Variants in STK39 observed in about 807,000 individuals in gnomAD.
The protein encoded by STK39 is STE20/SPS1-related proline-alanine-rich protein kinase.
A neutral mutation model predicts 77.8 loss-of-function variants in STK39; 20 were observed. The observed-to-expected ratio is 0.26, with a 90% CI of 0.18 to 0.37. STK39 has a LOEUF of 0.37. STK39 is among the 10% of genes least tolerant of loss of function. The probability of loss-of-function intolerance (pLI) is 1.00; values close to 1 mark genes in which losing one functional copy is unlikely to be tolerated. For missense variants in STK39, 479 were observed against 656.5 expected (o/e 0.73, Z 2.95); for synonymous variants, 246 against 234.1 (o/e 1.05, Z -0.47).
At chr2:168,230,349 T>C (rs1185035712) in intron 1 of STK39, among the ~76,000 whole-genome samples, 1 of 152,136 alleles carries the variant, frequency 6.6e-6, no homozygotes, top group Non-Finnish European at 1.5e-5. Context: ...CCACTCCCAC[T>C]ATCTTAGAAC....
intron 1 of STK39, among the ~76,000 whole-genome samples, chr2:168,233,721 T>G (rs575522611): frequency 2.6e-5 from 4 of 152,370 alleles, no homozygotes; most frequent in East Asian, 1.9e-4. Context: ...TTTCAGAACT[T>G]CTTTGTAATT....
intron 10 of STK39, among the ~76,000 whole-genome samples, chr2:168,114,212 G>A (rs979474088): frequency 1.2e-4 from 18 of 152,342 alleles, no homozygotes; most frequent in Admixed American, 8.5e-4. Flanking sequence ...GGTTGTAGCT[G>A]TTGGGTTATT....
At chr2:168,196,276 G>A (rs1466898807) in intron 1 of STK39, among the ~76,000 whole-genome samples, 1 of 152,206 alleles carries the variant, frequency 6.6e-6, no homozygotes, top group Non-Finnish European at 1.5e-5. Flanking sequence ...TATGTGCCAT[G>A]TGCTATTTAG....
At chr2:168,060,500 G>C (rs768978589) in intron 14 of STK39, among the ~76,000 whole-genome samples, 1 of 152,092 alleles carries the variant, frequency 6.6e-6, no homozygotes, top group African/African-American at 2.4e-5. Context: ...CTGACATCCC[G>C]ATCTCCACAA....
chr2:168,132,095 A>C (rs1687712417), intron 8 of STK39, among the ~76,000 whole-genome samples: 1 of 152,214 alleles, frequency 6.6e-6, no homozygotes, highest in Admixed American at 6.5e-5. Flanking sequence ...TGTAGTAGAA[A>C]CACTTTACAT....
At chr2:168,163,969 C>A in intron 3 of STK39, 89 bp from the exon 4 acceptor site, 1 of 1,488,692 alleles carries the variant, frequency 6.7e-7, no homozygotes, top group Admixed American at 2.3e-5. Context: ...TTAATAGAAA[C>A]ATCAAAATAT....
chr2:168,179,442 A>C (rs1574531606), intron 2 of STK39, among the ~76,000 whole-genome samples: 1 of 147,562 alleles, frequency 6.8e-6, no homozygotes, highest in East Asian at 2.0e-4. Context: ...ATCCTAAAGA[A>C]CCATAGCCAT....
chr2:167,996,864 A>C (rs190290083), intron 16 of STK39, among the ~76,000 whole-genome samples: 11 of 152,060 alleles, frequency 7.2e-5, no homozygotes, highest in African/African-American at 2.7e-4. Flanking sequence ...GAGCCTGAGG[A>C]GGACAAGGGG....
chr2:168,204,482 A>G (rs903934941), intron 1 of STK39, among the ~76,000 whole-genome samples: 1 of 152,128 alleles, frequency 6.6e-6, no homozygotes, highest in African/African-American at 2.4e-5. Context: ...CAGTCCCTCA[A>G]CCCCTGCCCA....
At chr2:168,170,747 G>C (rs988623509) in intron 2 of STK39, among the ~76,000 whole-genome samples, 1 of 152,196 alleles carries the variant, frequency 6.6e-6, no homozygotes, top group Non-Finnish European at 1.5e-5. Flanking sequence ...CCCAGTAGTG[G>C]GTCTGGCCGA....
intron 14 of STK39, among the ~76,000 whole-genome samples, chr2:168,049,219 C>T (rs548238601): frequency 1.3e-5 from 2 of 152,194 alleles, no homozygotes; most frequent in Non-Finnish European, 2.9e-5. Context: ...CCGGCTACCA[C>T]CTAACATCCA....
At chr2:167,996,910 T>C (rs1416769025) in intron 16 of STK39, among the ~76,000 whole-genome samples, 1 of 151,798 alleles carries the variant, frequency 6.6e-6, no homozygotes, top group Non-Finnish European at 1.5e-5. Flanking sequence ...CTCTTAGGTC[T>C]AGACTTTGAG....
At chr2:168,008,447 G>T (rs1684186807) in intron 16 of STK39, among the ~76,000 whole-genome samples, 1 of 152,154 alleles carries the variant, frequency 6.6e-6, no homozygotes, top group Non-Finnish European at 1.5e-5. Flanking sequence ...TAAGATTCCT[G>T]GAGGGGCAGG....
intron 1 of STK39, among the ~76,000 whole-genome samples, chr2:168,204,388 C>G (rs1214421125): frequency 1.3e-5 from 2 of 152,204 alleles, no homozygotes; most frequent in Non-Finnish European, 2.9e-5. Context: ...AGGAAAGAAT[C>G]TGTCATTCAC....
At chr2:168,160,047 TG>T (rs1688530466) in intron 5 of STK39, among the ~76,000 whole-genome samples, 1 of 152,106 alleles carries the variant, frequency 6.6e-6, no homozygotes, top group Admixed American at 6.5e-5. Context: ...GGATTCTTAC[TG>T]GGAAAAAGAA....
At chr2:167,970,806 C>T (rs1692315102) in intron 16 of STK39, among the ~76,000 whole-genome samples, 2 of 152,164 alleles carry the variant, frequency 1.3e-5, no homozygotes. Flanking sequence ...AAACTGTGTT[C>T]AAATAAGGCA....
chr2:168,237,920 AC>A (rs1690661698), intron 1 of STK39, among the ~76,000 whole-genome samples: 2 of 152,158 alleles, frequency 1.3e-5, no homozygotes, highest in African/African-American at 4.8e-5. Context: ...TTCTTGAGTC[AC>A]CCCATAATTA....
At chr2:168,184,623 T>C (rs952241174) in intron 1 of STK39, among the ~76,000 whole-genome samples, 1 of 147,708 alleles carries the variant, frequency 6.8e-6, no homozygotes, top group South Asian at 2.2e-4. Context: ...ATTAGGACCC[T>C]AGGCATACTT....
At chr2:168,078,569 G>T (rs1686142551) in intron 10 of STK39, among the ~76,000 whole-genome samples, 1 of 152,182 alleles carries the variant, frequency 6.6e-6, no homozygotes, top group South Asian at 2.1e-4. Context: ...GGAATGGGGA[G>T]GAAGGATATG....
Sources: gnomAD v4.1 joint callset for allele counts (sites outside exome capture counted in the v4.1 genomes callset) on GRCh38, gnomAD v4.1.1 for gene constraint, MANE v1.5 for transcripts, NCBI Gene and HGNC (gene_info 2026-07-23, HGNC 2026-07-21) for gene names.